SLC26A4: variants seen among roughly 807,000 people sequenced by gnomAD.
SLC26A4 encodes the protein solute carrier family 26 member 4.
In SLC26A4, 93 loss-of-function variants were observed where a neutral mutation model predicts 90.4. The ratio of observed to expected loss-of-function variants is 1.03; its 90% CI spans 0.87 to 1.22. The LOEUF is 1.22. SLC26A4 is among the 50% of genes most tolerant of loss of function. SLC26A4 has a pLI of 0.00. For synonymous variants in SLC26A4, 393 were observed against 354.6 expected (o/e 1.11, Z -1.22); for missense variants, 1,127 against 946.2 (o/e 1.19, Z -2.51).
intron 19 of SLC26A4, 114 bp from the exon 20 acceptor site, chr7:107,712,425 T>C: frequency 1.4e-6 from 1 of 714,134 alleles, no homozygotes; most frequent in Non-Finnish European, 2.6e-6. Flanking sequence ...CTGAAGAGGA[T>C]TCTGAAGTAT....
At chr7:107,665,962 G>C (rs1340811001) in intron 3 of SLC26A4, among the ~76,000 whole-genome samples, 3 of 152,058 alleles carry the variant, frequency 2.0e-5, no homozygotes, top group Non-Finnish European at 4.4e-5. Flanking sequence ...GGTTAATCTG[G>C]CTCAGTTACA....
intron 18 of SLC26A4, among the ~76,000 whole-genome samples, chr7:107,709,667 A>G (rs1792126686): frequency 6.6e-6 from 1 of 152,154 alleles, no homozygotes; most frequent in Admixed American, 6.5e-5. Context: ...GCTTGGCCAA[A>G]GGGACGTGAT....
At position 107,683,549 on chromosome 7, in the gene SLC26A4, G is replaced by A; in HGVS notation, c.1001+12G>A. 1 of 1,601,058 alleles carries A rather than the reference G, an allele frequency of 6.2e-7. No individual in the cohort carries two copies. The highest frequency in any genetic ancestry group is 8.6e-7 in the Non-Finnish European group (1 of 1,168,460). On this transcript the variant is annotated intron_variant, in intron 8 of 20. Transcript: ENST00000644269. ...TCCATCCCAAGGGGGTGAGTGTGGT[G>A]TTCCTCTTAGTACTAATACATTAAG...
chr7:107,683,579 T>A (rs531317388), intron 8 of SLC26A4, 42 bp downstream of exon 8: 2 of 1,461,482 alleles, frequency 1.4e-6, no homozygotes, highest in Admixed American at 1.7e-5. Flanking sequence ...ATTAAGTCAG[T>A]AAGTCAGTCT....
chr7:107,680,387 T>G (rs991134705), intron 6 of SLC26A4, among the ~76,000 whole-genome samples: 3 of 143,730 alleles, frequency 2.1e-5, no homozygotes, highest in Non-Finnish European at 4.5e-5. Flanking sequence ...AATGTTATAT[T>G]ATTATATAAT....
intron 9 of SLC26A4, 107 bp downstream of exon 9, chr7:107,689,307 C>T: frequency 1.7e-6 from 2 of 1,183,704 alleles, no homozygotes; most frequent in Non-Finnish European, 2.5e-6. Flanking sequence ...GATTCTTTCA[C>T]CAGACCTTAT....
chr7:107,682,579 C>G (rs1791270787), intron 6 of SLC26A4, among the ~76,000 whole-genome samples: 1 of 151,882 alleles, frequency 6.6e-6, no homozygotes, highest in Non-Finnish European at 1.5e-5. Flanking sequence ...TTGTTATTAT[C>G]TATATCATTC....
At position 107,694,492 on chromosome 7, in the gene SLC26A4, C is replaced by T. The variant is rs531288389; in HGVS notation, c.1341+12C>T. The stretch of plus-strand genomic sequence containing the variant: ...AACCCTTGCAGAAGGTATAACCCTG[C>T]TTCTCTGCATACCGATTGCATAATT... On this transcript the variant is annotated intron_variant, in intron 11 of 20. Transcript: ENST00000644269. 3.1e-6 allele frequency: 5 copies of T among 1,601,728 alleles called. No individual in the cohort carries two copies. In the African/African-American group the frequency reaches 4.0e-5, roughly 13 times the overall value.
At chr7:107,714,067 C>T (rs985558123) in intron 20 of SLC26A4, among the ~76,000 whole-genome samples, 1 of 139,416 alleles carries the variant, frequency 7.2e-6, no homozygotes, top group Non-Finnish European at 1.5e-5. Flanking sequence ...TACAGGCGCT[C>T]GCCACCACGT....
At position 107,689,126 on chromosome 7, in the gene SLC26A4, G is replaced by A; in HGVS notation, c.1075G>A (p.Val359Met). Residue 359 changes from valine (V) to methionine (M), a missense_variant, in exon 9 of 21, where the codon GTG becomes ATG. By Grantham distance (21) the Val-to-Met change is conservative (BLOSUM62 1). Coordinates refer to ENST00000644269, the MANE Select transcript of SLC26A4 (RefSeq NM_000441.2). ...MLAASFSIAV[V>M]AYAIAVSVGK... ...GGCTGCATCATTTTCCATCGCTGTGGTGGCTTATGCTATTGCAGTGTCAGT... is the reference window on the plus strand; with the variant it reads ...GGCTGCATCATTTTCCATCGCTGTGATGGCTTATGCTATTGCAGTGTCAGT... 1.2e-6 allele frequency: 2 copies of A among 1,613,930 alleles called. No homozygotes were observed. The highest frequency in any genetic ancestry group is 1.7e-4 in the Middle Eastern group (1 of 6,060).
intron 10 of SLC26A4, 64 bp from the exon 11 acceptor site, chr7:107,694,339 C>A: frequency 1.6e-6 from 2 of 1,239,618 alleles, no homozygotes; most frequent in Non-Finnish European, 2.4e-6. Flanking sequence ...TACACACATC[C>A]AGTGAGCTGG....
chr7:107,665,438 C>T (rs990053270), intron 3 of SLC26A4, among the ~76,000 whole-genome samples: 5 of 152,082 alleles, frequency 3.3e-5, no homozygotes, highest in African/African-American at 1.2e-4. Flanking sequence ...AAGTATTCTA[C>T]ACTGTGCTCT....
At chr7:107,664,601 G>A (rs368708495) in intron 3 of SLC26A4, among the ~76,000 whole-genome samples, 23 of 152,280 alleles carry the variant, frequency 1.5e-4, no homozygotes, top group Admixed American at 5.2e-4. Flanking sequence ...TTCCTAGCCT[G>A]GACTCCACAT....
intron 10 of SLC26A4, among the ~76,000 whole-genome samples, chr7:107,691,523 AC>A (rs1287155422): frequency 2.3e-4 from 20 of 87,156 alleles, no homozygotes; most frequent in African/African-American, 6.8e-4. Flanking sequence ...ATACACACAC[AC>A]ACACACACAC....
In SLC26A4 at chr7:107,683,303, T is replaced by C; in HGVS notation, c.867T>C (p.Asn289=). The C allele has an allele frequency of 6.2e-7, 1 of 1,613,768 alleles. No homozygotes were observed. The highest frequency in any genetic ancestry group is 8.5e-7 in the Non-Finnish European group (1 of 1,179,784). The change falls in exon 7 of 21, where the codon AAT becomes AAC. Residue 289 remains asparagine, a synonymous_variant. Transcript: ENST00000644269. ...IVVCMAVKEL[N]DRFRHKIPVP... ...TCTGTATGGCAGTTAAGGAATTAAA[T>C]GATCGGTTTAGACACAAAATCCCAG...
intron 18 of SLC26A4, among the ~76,000 whole-genome samples, chr7:107,709,514 C>T (rs187880492): frequency 7.2e-5 from 11 of 152,226 alleles, no homozygotes; most frequent in Non-Finnish European, 1.0e-4. Flanking sequence ...CTGCCCTCCT[C>T]GGCCTCTCAA....
intron 8 of SLC26A4, among the ~76,000 whole-genome samples, chr7:107,684,102 A>G (rs1791330112): frequency 1.3e-5 from 2 of 152,180 alleles, no homozygotes; most frequent in South Asian, 2.1e-4. Flanking sequence ...AGATTCTCCT[A>G]TATAAGACAA....
intron 8 of SLC26A4, among the ~76,000 whole-genome samples, chr7:107,686,875 C>A (rs1014452735): frequency 3.9e-5 from 6 of 152,122 alleles, no homozygotes; most frequent in Non-Finnish European, 5.9e-5. Flanking sequence ...GGAACTCAGG[C>A]CTACTGTTGT....
chr7:107,664,472 T>C (rs1790655871), intron 3 of SLC26A4, among the ~76,000 whole-genome samples: 1 of 152,078 alleles, frequency 6.6e-6, no homozygotes, highest in Non-Finnish European at 1.5e-5. Context: ...CCTCAAGTGA[T>C]CCGCCCTCCT....
Sources: gnomAD v4.1 joint callset for allele counts (sites outside exome capture counted in the v4.1 genomes callset) on GRCh38, gnomAD v4.1.1 for gene constraint, MANE v1.5 for transcripts, NCBI Gene and HGNC (gene_info 2026-07-23, HGNC 2026-07-21) for gene names.